ATP10B: variants seen among roughly 807,000 people sequenced by gnomAD.
The protein encoded by ATP10B is phospholipid-transporting ATPase VB.
Under a neutral mutation model 141.2 loss-of-function variants are expected in ATP10B, and 122 were observed. The ratio of observed to expected loss-of-function variants is 0.86; its 90% CI spans 0.75 to 1.00. The LOEUF is 1.00. ATP10B is among the 50% of genes least tolerant of loss of function. The probability of loss-of-function intolerance (pLI) is 0.00; values close to 1 mark genes in which losing one functional copy is unlikely to be tolerated. For synonymous variants in ATP10B, 685 were observed against 692.0 expected (o/e 0.99, Z 0.16); for missense variants, 1,876 against 1,825.3 (o/e 1.03, Z -0.51).
At chr5:160,812,182 A>C (rs1773226511) in intron 1 of ATP10B, among the ~76,000 whole-genome samples, 1 of 152,172 alleles carries the variant, frequency 6.6e-6, no homozygotes, top group Admixed American at 6.5e-5. Context: ...TACCTCTACA[A>C]GTCTGTAAGA....
chr5:160,862,128 T>C, the ATP10B span, among the ~76,000 whole-genome samples: 1 of 152,010 alleles, frequency 6.6e-6, no homozygotes, highest in Admixed American at 6.6e-5. Flanking sequence ...GTGGTTAGTT[T>C]TCTGTGTCAA....
the ATP10B span, among the ~76,000 whole-genome samples, chr5:160,921,712 A>T: frequency 2.6e-5 from 4 of 152,236 alleles, no homozygotes; most frequent in Admixed American, 6.5e-5. Context: ...GTTATCAGTG[A>T]AGGCTGTACC....
At chr5:160,829,737 T>G (rs1774930067) in intron 1 of ATP10B, among the ~76,000 whole-genome samples, 1 of 152,096 alleles carries the variant, frequency 6.6e-6, no homozygotes, top group South Asian at 2.1e-4. Flanking sequence ...GCAATCATAT[T>G]CTTCGACTCT....
intron 2 of ATP10B, among the ~76,000 whole-genome samples, chr5:160,761,092 C>T (rs933667999): frequency 1.4e-4 from 21 of 152,080 alleles, no homozygotes; most frequent in African/African-American, 4.1e-4. Flanking sequence ...TTTTGGAGTA[C>T]TCAAGCCATG....
intron 6 of ATP10B, among the ~76,000 whole-genome samples, chr5:160,684,539 C>T (rs999905439): frequency 3.3e-5 from 5 of 152,124 alleles, no homozygotes; most frequent in African/African-American, 9.7e-5. Context: ...GTGCTCATGG[C>T]CACACTGGGT....
At chr5:160,579,813 C>T (rs890241167) in intron 24 of ATP10B, among the ~76,000 whole-genome samples, 1 of 152,150 alleles carries the variant, frequency 6.6e-6, no homozygotes, top group Non-Finnish European at 1.5e-5. Flanking sequence ...AATGTTTTTG[C>T]ATTTGTTTGT....
chr5:160,646,935 C>T (rs1760321072), intron 8 of ATP10B, among the ~76,000 whole-genome samples: 1 of 152,264 alleles, frequency 6.6e-6, no homozygotes, highest in Non-Finnish European at 1.5e-5. Context: ...GGGGGCTGTC[C>T]TGTGCATTGT....
In ATP10B at chr5:160,640,588, A is replaced by T. The variant is rs1759771399; in HGVS notation, c.873T>A (p.His291Gln). ...MAVGIVIYAG[H>Q]ETKAMLNNSG... ...TGTTGTTCAGCATGGCTTTCGTCTC[A>T]TGGCCTTTGAGAGAAAATGAGGAAA... The change falls in exon 10 of 26, where the codon CAT becomes CAA. Residue 291 changes from histidine to glutamine, a missense_variant. By Grantham distance (24) the His-to-Gln change is conservative (BLOSUM62 0). Transcript: ENST00000327245. 6.2e-7 allele frequency: 1 copy of T among 1,613,844 alleles called. No individual in the cohort carries two copies. The highest frequency in any genetic ancestry group is 1.3e-5 in the African/African-American group (1 of 74,898).
the ATP10B span, among the ~76,000 whole-genome samples, chr5:160,858,951 CAT>C: frequency 1.3e-5 from 2 of 151,724 alleles, no homozygotes; most frequent in African/African-American, 4.8e-5. Context: ...AATAGTGAAA[CAT>C]AATTTAGAAA....
chr5:160,686,413 GAAGCCAAACCC>G, intron 5 of ATP10B, 140 bp from the exon 6 acceptor site: 1 of 592,788 alleles, frequency 1.7e-6, no homozygotes, highest in Non-Finnish European at 2.8e-6. Context: ...TAATGGATTT[GAAGCCAAACCC>G]ATCTAGATGT....
At chr5:160,703,800 G>A (rs1380907100) in intron 3 of ATP10B, among the ~76,000 whole-genome samples, 1 of 152,180 alleles carries the variant, frequency 6.6e-6, no homozygotes, top group East Asian at 1.9e-4. Flanking sequence ...GATAAGGGGG[G>A]TGGTGACTGC....
the ATP10B span, among the ~76,000 whole-genome samples, chr5:160,925,593 A>G: frequency 6.6e-6 from 1 of 152,228 alleles, no homozygotes. Flanking sequence ...TAGTAAATAC[A>G]TTTTGACTAT....
intron 6 of ATP10B, among the ~76,000 whole-genome samples, chr5:160,674,302 T>G (rs1762896879): frequency 6.6e-6 from 1 of 152,226 alleles, no homozygotes; most frequent in Non-Finnish European, 1.5e-5. Flanking sequence ...AGGACTGCAC[T>G]GCTTATTCTA....
chr5:160,655,194 A>T (rs774788530), intron 7 of ATP10B, among the ~76,000 whole-genome samples: 1 of 152,224 alleles, frequency 6.6e-6, no homozygotes, highest in Non-Finnish European at 1.5e-5. Flanking sequence ...GCACATTTGC[A>T]TCTTAAAGTA....
intron 25 of ATP10B, among the ~76,000 whole-genome samples, chr5:160,568,468 G>A (rs143523752): frequency 2.6e-5 from 4 of 152,278 alleles, no homozygotes; most frequent in East Asian, 1.9e-4. Flanking sequence ...ATTTGCTATC[G>A]CTTAAAATGA....
chr5:160,663,769 T>C (rs2421531), intron 7 of ATP10B, among the ~76,000 whole-genome samples: 124,626 of 150,970 alleles, frequency 0.83, 51,713 homozygotes, highest in South Asian at 0.88. Flanking sequence ...TGCACATGTA[T>C]CCTAAAACTT....
chr5:160,819,233 C>T (rs1773920359), intron 1 of ATP10B, among the ~76,000 whole-genome samples: 1 of 152,044 alleles, frequency 6.6e-6, no homozygotes, highest in Non-Finnish European at 1.5e-5. Flanking sequence ...TGGCAGGAGA[C>T]TTTACAGTGG....
At chr5:160,740,029 G>A (rs1232808919) in intron 2 of ATP10B, among the ~76,000 whole-genome samples, 1 of 152,094 alleles carries the variant, frequency 6.6e-6, no homozygotes, top group African/African-American at 2.4e-5. Context: ...AGGAAGAAGG[G>A]GAACTAATGG....
chr5:160,873,169 G>C, the ATP10B span, among the ~76,000 whole-genome samples: 1 of 139,654 alleles, frequency 7.2e-6, no homozygotes. Flanking sequence ...TTCTTGATCT[G>C]ATTCTCTGCG....
Sources: allele counts gnomAD v4.1 joint callset (sites outside exome capture counted in the v4.1 genomes callset), GRCh38; gene constraint gnomAD v4.1.1; transcripts MANE v1.5; gene names NCBI Gene and HGNC (gene_info 2026-07-23, HGNC 2026-07-21).